GALNT9: variants seen among roughly 807,000 people sequenced by gnomAD.
The protein encoded by GALNT9 is GalNAc transferase 9.
Under a neutral mutation model 63.1 loss-of-function variants are expected in GALNT9, and 47 were observed. The ratio of observed to expected loss-of-function variants is 0.75; its 90% CI spans 0.59 to 0.95. GALNT9 has a LOEUF of 0.95. GALNT9 is among the 40% of genes least tolerant of loss of function. The pLI, the probability that GALNT9 is intolerant of heterozygous loss-of-function variation, is 0.00. For missense variants in GALNT9, 829 were observed against 874.8 expected (o/e 0.95, Z 0.66); for synonymous variants, 396 against 365.7 (o/e 1.08, Z -0.94).
chr12:132,276,024 T>C (rs1480560593), intron 2 of GALNT9, among the ~76,000 whole-genome samples: 1 of 152,194 alleles, frequency 6.6e-6, no homozygotes, highest in Non-Finnish European at 1.5e-5. Context: ...GCCCCGCAGG[T>C]CCCAGTGAAT....
intron 6 of GALNT9, among the ~76,000 whole-genome samples, chr12:132,233,527 T>A (rs1352951958): frequency 3.4e-4 from 8 of 23,712 alleles, no homozygotes; most frequent in Non-Finnish European, 4.1e-4. Context: ...CTCGATGGGG[T>A]GACAGAGGAG....
At chr12:132,303,686 C>T (rs868979074) in intron 1 of GALNT9, among the ~76,000 whole-genome samples, 25 of 39,872 alleles carry the variant, frequency 6.3e-4, no homozygotes, top group East Asian at 6.4e-3. Context: ...CAGCCTCACC[C>T]GGGCACACCC....
intron 1 of GALNT9, among the ~76,000 whole-genome samples, chr12:132,288,965 C>T (rs576184773): frequency 5.3e-5 from 8 of 152,352 alleles, no homozygotes; most frequent in African/African-American, 1.7e-4. Flanking sequence ...GCCCAATGCC[C>T]GGCGTTCTGA....
chr12:132,249,275 G>A (rs1466729471), intron 5 of GALNT9, among the ~76,000 whole-genome samples: 2 of 152,224 alleles, frequency 1.3e-5, no homozygotes, highest in African/African-American at 4.8e-5. Flanking sequence ...ACGGCAGGCC[G>A]CCCTGCAGGC....
At chr12:132,240,406 C>T in intron 6 of GALNT9, 1 of 353,264 alleles carries the variant, frequency 2.8e-6, no homozygotes, top group South Asian at 2.1e-5. Context: ...GACCCTTTGG[C>T]TTCCAGCCTC....
intron 2 of GALNT9, among the ~76,000 whole-genome samples, chr12:132,266,408 C>T (rs1425395365): frequency 2.6e-5 from 4 of 152,270 alleles, no homozygotes; most frequent in Non-Finnish European, 5.9e-5. Flanking sequence ...CAGCCACCCA[C>T]TGATAAAGAG....
intron 1 of GALNT9, among the ~76,000 whole-genome samples, chr12:132,298,967 C>T (rs1881183656): frequency 6.7e-6 from 1 of 149,388 alleles, no homozygotes; most frequent in Non-Finnish European, 1.5e-5. Context: ...AGATAAATCA[C>T]TCCCATAACT....
At chr12:132,204,808 A>G (rs57319989) in intron 6 of GALNT9, among the ~76,000 whole-genome samples, 7,117 of 151,968 alleles carry the variant, frequency 0.047, 512 homozygotes, top group African/African-American at 0.16. Flanking sequence ...ACGGGCTGAC[A>G]TCACTATGAA....
rs371442148 is a variant in GALNT9 at position 132,305,293 on chromosome 12, G to A, written c.239-18863C>T. 2.5e-3 allele frequency among the ~76,000 whole-genome samples: 35 copies of A among 14,130 alleles called. 3 individuals carry two copies. The East Asian group carries it at 0.06, about 24-fold the overall frequency. 9.3% of individuals were successfully genotyped at this position (14,130 alleles called of 152,430 possible). A position where few individuals can be genotyped will look rare whatever the true frequency, so the allele number is the denominator to read the frequency against. ...CCGGGGCACACCCTCGCCCGGACACGCCCTCACCGGGGCACACCCTCACCC... is the reference window on the plus strand; with the variant it reads ...CCGGGGCACACCCTCGCCCGGACACACCCTCACCGGGGCACACCCTCACCC... On this transcript the variant is annotated intron_variant, in intron 1 of 10. Coordinates refer to ENST00000328957, the MANE Select transcript of GALNT9 (RefSeq NM_001122636.2).
At chr12:132,240,649 C>G (rs1439347377) in intron 6 of GALNT9, 1 of 413,664 alleles carries the variant, frequency 2.4e-6, no homozygotes, top group East Asian at 8.4e-5. Flanking sequence ...GGACCTGCTC[C>G]TCTTCACTCT....
intron 1 of GALNT9, among the ~76,000 whole-genome samples, chr12:132,302,635 C>A (rs983068197): frequency 1.3e-5 from 2 of 152,254 alleles, no homozygotes; most frequent in Non-Finnish European, 2.9e-5. Flanking sequence ...CATGCCCCAT[C>A]ATGCCCACAG....
At chr12:132,240,188 C>G (rs1593076743) in intron 6 of GALNT9, among the ~76,000 whole-genome samples, 2 of 152,282 alleles carry the variant, frequency 1.3e-5, no homozygotes, top group East Asian at 1.9e-4. Context: ...TGAGAGGAAT[C>G]TCCTCTCTAA....
chr12:132,287,494 G>A (rs1880646477), intron 1 of GALNT9, among the ~76,000 whole-genome samples: 2 of 152,264 alleles, frequency 1.3e-5, no homozygotes, highest in East Asian at 1.9e-4. Context: ...AGGAAGAACC[G>A]AGCCGTCGAC....
intron 6 of GALNT9, among the ~76,000 whole-genome samples, chr12:132,224,752 CCACACCCCACACTGTA>C (rs1322227351): frequency 2.1e-5 from 3 of 143,664 alleles, no homozygotes; most frequent in Admixed American, 6.9e-5. Flanking sequence ...CACACCCCTC[CCACACCCCACACTGTA>C]CACACCCCAC....
At chr12:132,264,687 C>G (rs1879533080) in intron 2 of GALNT9, among the ~76,000 whole-genome samples, 1 of 152,234 alleles carries the variant, frequency 6.6e-6, no homozygotes, top group African/African-American at 2.4e-5. Context: ...CTGCTGGGCT[C>G]TGATTGGGTG....
intron 1 of GALNT9, among the ~76,000 whole-genome samples, chr12:132,301,902 A>G (rs949118131): frequency 6.6e-6 from 1 of 152,274 alleles, no homozygotes; most frequent in South Asian, 2.1e-4. Context: ...CGTCAGAGGT[A>G]GAATTCAATT....
intron 6 of GALNT9, among the ~76,000 whole-genome samples, chr12:132,226,369 C>T (rs1877687340): frequency 6.6e-6 from 1 of 151,114 alleles, no homozygotes; most frequent in African/African-American, 2.4e-5. Context: ...ACACATCCCA[C>T]ACACTGTACA....
At chr12:132,322,983 G>T (rs782821070) in intron 1 of GALNT9, among the ~76,000 whole-genome samples, 1 of 152,072 alleles carries the variant, frequency 6.6e-6, no homozygotes, top group Non-Finnish European at 1.5e-5. Flanking sequence ...CTCGAGAGCC[G>T]TGCGTCAGCC....
chr12:132,279,337 T>C lies in GALNT9; in HGVS notation c.419+6913A>G, dbSNP rs1880238454. On this transcript the variant is annotated intron_variant, in intron 2 of 10. Transcript: ENST00000328957. The surrounding 1 kb of genome is among the most constrained non-coding windows in gnomAD (Gnocchi z 4.1). Reference sequence around the variant, plus strand: ...CTGAGACTTTTGCTTGCATGGTTGCTGGGACGGTCCAAAGTCCTCAGTGGG... The same window carrying C: ...CTGAGACTTTTGCTTGCATGGTTGCCGGGACGGTCCAAAGTCCTCAGTGGG... 6.6e-6 allele frequency: 1 copy of C among 152,288 alleles called. No individual in the cohort carries two copies. The highest frequency in any genetic ancestry group is 2.4e-5 in the African/African-American group (1 of 41,464). 9.4% of individuals were successfully genotyped at this position (152,288 alleles called of 1,614,324 possible). A position where few individuals can be genotyped will look rare whatever the true frequency, so the allele number is the denominator to read the frequency against.
Sources: gnomAD v4.1 joint callset for allele counts (sites outside exome capture counted in the v4.1 genomes callset) on GRCh38, gnomAD v4.1.1 for gene constraint, Gnocchi (gnomAD v3.1) non-coding constraint, MANE v1.5 for transcripts, NCBI Gene and HGNC (gene_info 2026-07-23, HGNC 2026-07-21) for gene names.